The following CA10 variants were observed in gnomAD, a reference collection of about 807,000 sequenced individuals.
The protein encoded by CA10 is carbonic anhydrase-related protein 10.
Under a neutral mutation model 44.2 loss-of-function variants are expected in CA10, and 14 were observed. That is an observed-to-expected ratio of 0.32 (90% CI 0.21 to 0.50). The LOEUF (loss-of-function observed/expected upper bound fraction) is 0.50. CA10 is among the 20% of genes least tolerant of loss of function. CA10 has a pLI of 0.99. For missense variants in CA10, 350 were observed against 409.7 expected (o/e 0.85, Z 1.26); for synonymous variants, 159 against 141.6 (o/e 1.12, Z -0.87).
chr17:52,082,479 T>G (rs1305309806), intron 1 of CA10, among the ~76,000 whole-genome samples: 4 of 152,226 alleles, frequency 2.6e-5, no homozygotes, highest in African/African-American at 9.6e-5. Context: ...TATGCCATAA[T>G]TTACCAATTA....
At chr17:51,923,038 C>A (rs1014647375) in intron 3 of CA10, among the ~76,000 whole-genome samples, 6 of 152,168 alleles carry the variant, frequency 3.9e-5, no homozygotes, top group Non-Finnish European at 1.5e-5. Flanking sequence ...ACTTCTTCAG[C>A]AGCTCTTAAA....
At chr17:51,747,839 G>T in intron 3 of CA10, 21 bp from the exon 4 acceptor site, 1 of 1,583,392 alleles carries the variant, frequency 6.3e-7, no homozygotes, top group South Asian at 1.2e-5. Context: ...ATTAGCAACA[G>T]GTCAAGCAAG....
At chr17:51,979,633 C>T (rs566824237) in intron 2 of CA10, among the ~76,000 whole-genome samples, 5 of 152,240 alleles carry the variant, frequency 3.3e-5, no homozygotes, top group South Asian at 4.1e-4. Flanking sequence ...ATCTCACGAA[C>T]GTCTCAATAA....
intron 2 of CA10, among the ~76,000 whole-genome samples, chr17:51,960,649 A>G (rs1036396717): frequency 4.6e-5 from 7 of 152,198 alleles, no homozygotes; most frequent in African/African-American, 1.7e-4. Context: ...AACCAAAAAC[A>G]TTCTTCAGAA....
chr17:52,040,369 A>G (rs557916502), intron 2 of CA10, among the ~76,000 whole-genome samples: 2 of 152,016 alleles, frequency 1.3e-5, no homozygotes, highest in South Asian at 4.2e-4. Context: ...ATCCTTTTCT[A>G]TGATAGCAAT....
intron 2 of CA10, among the ~76,000 whole-genome samples, chr17:52,010,394 G>GTGTGTA (rs1567701548): frequency 6.6e-6 from 1 of 151,898 alleles, no homozygotes; most frequent in African/African-American, 2.4e-5. Context: ...TGTGCTGTGT[G>GTGTGTA]TGTGTATGTG....
intron 3 of CA10, among the ~76,000 whole-genome samples, chr17:51,785,447 C>T (rs1201872920): frequency 6.6e-6 from 1 of 151,956 alleles, no homozygotes; most frequent in African/African-American, 2.4e-5. Context: ...CAGAGAAATG[C>T]AAATCAAAAC....
chr17:51,650,102 T>C (rs564863758), intron 5 of CA10, among the ~76,000 whole-genome samples: 1 of 152,300 alleles, frequency 6.6e-6, no homozygotes, highest in South Asian at 2.1e-4. Context: ...GCCTATGCCC[T>C]TATAGCTTCA....
At chr17:51,933,171 T>C (rs1982733140) in intron 2 of CA10, among the ~76,000 whole-genome samples, 1 of 152,160 alleles carries the variant, frequency 6.6e-6, no homozygotes. Flanking sequence ...ATGTTTACTA[T>C]CCTAATCCTC....
intron 1 of CA10, among the ~76,000 whole-genome samples, chr17:52,100,526 T>A (rs2143245822): frequency 6.6e-6 from 1 of 152,202 alleles, no homozygotes; most frequent in African/African-American, 2.4e-5. Flanking sequence ...TACATGAAAG[T>A]GGGCAAGAAA....
chr17:51,818,915 C>T (rs1198624732), intron 3 of CA10, among the ~76,000 whole-genome samples: 1 of 152,168 alleles, frequency 6.6e-6, no homozygotes, highest in East Asian at 1.9e-4. Flanking sequence ...CATGTAGTAA[C>T]ACTATAAATG....
chr17:51,934,931 G>C (rs1038167988), intron 2 of CA10, among the ~76,000 whole-genome samples: 1 of 152,152 alleles, frequency 6.6e-6, no homozygotes. Flanking sequence ...TAGGACGAAG[G>C]CTGTGAAAAC....
intron 3 of CA10, among the ~76,000 whole-genome samples, chr17:51,861,684 ATGAG>A (rs1979316992): frequency 6.6e-6 from 1 of 152,182 alleles, no homozygotes; most frequent in African/African-American, 2.4e-5. Context: ...TCAATGTAGA[ATGAG>A]TCTTTGAAAA....
rs150558085 is a variant in CA10 at position 51,808,161 on chromosome 17, C to T, written c.280-60343G>A. 4.7e-4 allele frequency among the ~76,000 whole-genome samples: 71 copies of T among 152,276 alleles called. No homozygotes were observed. The East Asian group carries it at 0.011, about 23-fold the overall frequency. On this transcript the variant is annotated intron_variant, in intron 3 of 8. Transcript: ENST00000451037. The stretch of plus-strand genomic sequence containing the variant: ...GAACATGTCAGCCTAGCCATAAGCT[C>T]TGCTTGAAAAAGCTGCTGGTTTTCA...
chr17:52,022,878 A>G (rs1986188067), intron 2 of CA10, among the ~76,000 whole-genome samples: 1 of 152,106 alleles, frequency 6.6e-6, no homozygotes, highest in African/African-American at 2.4e-5. Context: ...CAACAAAAAA[A>G]TACCTAGGAA....
intron 3 of CA10, among the ~76,000 whole-genome samples, chr17:51,828,340 T>A (rs984954209): frequency 6.6e-6 from 1 of 152,192 alleles, no homozygotes; most frequent in African/African-American, 2.4e-5. Context: ...GTCTGGATAT[T>A]CTCTTGCCCA....
intron 3 of CA10, among the ~76,000 whole-genome samples, chr17:51,919,002 C>T (rs961536074): frequency 6.6e-6 from 1 of 152,142 alleles, no homozygotes; most frequent in Non-Finnish European, 1.5e-5. Flanking sequence ...CAACTGCCTA[C>T]GCTGCATAGA....
intron 2 of CA10, among the ~76,000 whole-genome samples, chr17:51,941,739 G>A: frequency 6.6e-6 from 1 of 152,082 alleles, no homozygotes; most frequent in East Asian, 1.9e-4. Flanking sequence ...TATGACCACT[G>A]AAAATAGGTG....
At chr17:51,918,659 T>C (rs1982101461) in intron 3 of CA10, among the ~76,000 whole-genome samples, 1 of 152,148 alleles carries the variant, frequency 6.6e-6, no homozygotes, top group Non-Finnish European at 1.5e-5. Flanking sequence ...AACACAACAC[T>C]AATCTGTTCA....
Sources: gnomAD v4.1 joint callset for allele counts (sites outside exome capture counted in the v4.1 genomes callset) on GRCh38, gnomAD v4.1.1 for gene constraint, MANE v1.5 for transcripts, NCBI Gene and HGNC (gene_info 2026-07-23, HGNC 2026-07-21) for gene names.